The following ZNF362 variants were observed in gnomAD, a reference collection of about 807,000 sequenced individuals.
ZNF362 encodes the protein rotund homolog.
In ZNF362, 11 loss-of-function variants were observed where a neutral mutation model predicts 42.9. The ratio of observed to expected loss-of-function variants is 0.26; its 90% CI spans 0.16 to 0.42. ZNF362 has a LOEUF of 0.42. ZNF362 is among the 20% of genes least tolerant of loss of function. ZNF362 has a pLI of 1.00. For synonymous variants in ZNF362, 255 were observed against 257.3 expected, an observed-to-expected ratio of 0.99 and a Z score of 0.09; for missense variants, 362 against 576.2, an observed-to-expected ratio of 0.63 and a Z score of 3.81.
chr1:33,148,109 G>A, the ZNF362 span, among the ~76,000 whole-genome samples: 76 of 152,284 alleles, frequency 5.0e-4, no homozygotes, highest in Non-Finnish European at 9.6e-4. Flanking sequence ...CCCCTAGGGG[G>A]AATGGGGAAA....
chr1:33,181,537 C>G, the ZNF362 span: 1 of 1,443,486 alleles, frequency 6.9e-7, no homozygotes, highest in South Asian at 1.4e-5. This position sits in a 1 kb window ranked among gnomAD's most constrained non-coding sequence, Gnocchi z 6.5. Context: ...GGACGAGGCC[C>G]GCACAGGCAG....
intron 1 of ZNF362, among the ~76,000 whole-genome samples, chr1:33,267,057 A>T (rs1164064267): frequency 8.5e-5 from 13 of 152,092 alleles, no homozygotes; most frequent in Admixed American, 8.5e-4. Context: ...GGCTGGGGTC[A>T]TGGGTGGGGC....
chr1:33,159,949 G>T, the ZNF362 span: 5 of 1,600,666 alleles, frequency 3.1e-6, no homozygotes, highest in Non-Finnish European at 4.2e-6. This position sits in a 1 kb window ranked among gnomAD's most constrained non-coding sequence, Gnocchi z 4.2. Flanking sequence ...GGAAGACTGT[G>T]GGGGACAGTC....
At chr1:33,204,831 A>T in the ZNF362 span, among the ~76,000 whole-genome samples, 1 of 152,228 alleles carries the variant, frequency 6.6e-6, no homozygotes, top group African/African-American at 2.4e-5. Context: ...TCAGGATACA[A>T]AATTAATATG....
rs536034698 is a variant in ZNF362, at chr1:33,294,337, A to G, written c.909-600A>G. On this transcript the variant is annotated intron_variant, in intron 6 of 8. Transcript: ENST00000539719. The surrounding 1 kb of genome is among the most constrained non-coding windows in gnomAD (Gnocchi z 4.2). ...ACCCAGCTGGTTAATAGCCAGGATG[A>G]GAACCCAGGAGTGGCAGGGACAGAA... is the stretch of plus-strand genomic sequence containing the variant. Among the ~76,000 whole-genome samples, 1 of 152,320 alleles carries G rather than the reference A, an allele frequency of 6.6e-6. No homozygotes were observed. Among genetic ancestry groups the G allele is most frequent in the East Asian group, 1.9e-4 (1 of 5,176 alleles).
At chr1:33,265,521 C>T (rs779348902) in intron 1 of ZNF362, among the ~76,000 whole-genome samples, 24 of 152,158 alleles carry the variant, frequency 1.6e-4, no homozygotes, top group Non-Finnish European at 2.5e-4. Flanking sequence ...GAAGGAAGTT[C>T]CCAGGAGTGT....
At chr1:33,218,410 A>G in the ZNF362 span, among the ~76,000 whole-genome samples, 2 of 152,086 alleles carry the variant, frequency 1.3e-5, no homozygotes, top group Non-Finnish European at 2.9e-5. Context: ...ACACCACTGC[A>G]CTCCAGCCTG....
At chr1:33,177,066 T>C in the ZNF362 span, among the ~76,000 whole-genome samples, 1 of 62,902 alleles carries the variant, frequency 1.6e-5, no homozygotes, top group Non-Finnish European at 3.6e-5. The surrounding 1 kb of genome is among the most constrained non-coding windows in gnomAD (Gnocchi z 4.1). Flanking sequence ...CACACACACA[T>C]GCACACACAC....
At chr1:33,166,889 G>A in the ZNF362 span, among the ~76,000 whole-genome samples, 1 of 152,140 alleles carries the variant, frequency 6.6e-6, no homozygotes, top group Non-Finnish European at 1.5e-5. Context: ...TGTTCATCGT[G>A]GGTTTTTTGC....
upstream of ZNF362, among the ~76,000 whole-genome samples, chr1:33,253,598 T>G (rs72656286): frequency 0.032 from 4,815 of 151,884 alleles, 175 homozygotes; most frequent in Admixed American, 0.12. Context: ...CATGTACCCT[T>G]CCCCCATAAA....
intron 6 of ZNF362, among the ~76,000 whole-genome samples, chr1:33,288,076 T>G (rs1646044813): frequency 6.6e-6 from 1 of 152,226 alleles, no homozygotes; most frequent in Non-Finnish European, 1.5e-5. Flanking sequence ...AAATAGAAAT[T>G]AATGTATTAA....
Position 33,299,066 on chromosome 1 carries a change from C to T in ZNF362, c.*20C>T, listed in dbSNP as rs1268493153. ...ATCTGAGCCCACTGGAGGCGCCGCC[C>T]CACCCGGCCCACTGGCAGACACAGA... On this transcript the variant is annotated 3_prime_UTR_variant, in exon 9 of 9. Coordinates refer to ENST00000539719, the MANE Select transcript of ZNF362 (RefSeq NM_152493.3). 1.3e-6 allele frequency: 2 copies of T among 1,587,724 alleles called. No homozygotes were observed. The highest frequency in any genetic ancestry group is 8.6e-7 in the Non-Finnish European group (1 of 1,166,718).
At chr1:33,270,330 C>T (rs1397264226) in intron 1 of ZNF362, among the ~76,000 whole-genome samples, 157 bp from the exon 2 acceptor site, 1 of 152,150 alleles carries the variant, frequency 6.6e-6, no homozygotes, top group Non-Finnish European at 1.5e-5. Flanking sequence ...GCAAGTTGGT[C>T]AATCTCTCTG....
chr1:33,296,255 C>G (rs1646123633), intron 8 of ZNF362, among the ~76,000 whole-genome samples: 1 of 152,178 alleles, frequency 6.6e-6, no homozygotes, highest in African/African-American at 2.4e-5. Flanking sequence ...AGGCCTCCAT[C>G]CGCTAGATGC....
At chr1:33,174,215 T>C in the ZNF362 span, among the ~76,000 whole-genome samples, 1 of 151,970 alleles carries the variant, frequency 6.6e-6, no homozygotes, top group African/African-American at 2.4e-5. Flanking sequence ...TCTCACTCTG[T>C]TGCCCAGGCT....
intron 8 of ZNF362, among the ~76,000 whole-genome samples, chr1:33,295,710 G>A (rs776413321): frequency 6.6e-6 from 1 of 152,158 alleles, no homozygotes; most frequent in East Asian, 1.9e-4. Context: ...TCTCAGGAAA[G>A]GCCTGAGCAG....
At chr1:33,184,041 G>GAAAAAA in the ZNF362 span, among the ~76,000 whole-genome samples, 3 of 147,324 alleles carry the variant, frequency 2.0e-5, no homozygotes, top group East Asian at 2.0e-4. Context: ...GAAATGAAAT[G>GAAAAAA]AAAAAAAAAA....
the ZNF362 span, chr1:33,165,756 G>A: frequency 4.7e-6 from 2 of 427,190 alleles, no homozygotes; most frequent in South Asian, 5.8e-5. The surrounding 1 kb of genome is among the most constrained non-coding windows in gnomAD (Gnocchi z 4.0). Flanking sequence ...GAACCCGTCC[G>A]TATCTTTCAC....
At chr1:33,136,068 C>T in the ZNF362 span, among the ~76,000 whole-genome samples, 1 of 152,062 alleles carries the variant, frequency 6.6e-6, no homozygotes, top group Non-Finnish European at 1.5e-5. Flanking sequence ...TGACTGCCCC[C>T]ATCCCTGTTC....
Sources: allele counts gnomAD v4.1 joint callset (sites outside exome capture counted in the v4.1 genomes callset), GRCh38; gene constraint gnomAD v4.1.1; non-coding constraint Gnocchi (gnomAD v3.1); transcripts MANE v1.5; gene names NCBI Gene and HGNC (gene_info 2026-07-23, HGNC 2026-07-21).